CSMD1: variants seen among roughly 807,000 people sequenced by gnomAD.
CSMD1 encodes the protein CUB and Sushi multiple domains 1, also known as CUB and sushi domain-containing protein 1.
A neutral mutation model predicts 417.5 loss-of-function variants in CSMD1; 213 were observed. The ratio of observed to expected loss-of-function variants is 0.51; its 90% CI spans 0.46 to 0.57. The LOEUF (loss-of-function observed/expected upper bound fraction) is 0.57. Among genes scored for constraint, CSMD1 ranks in the 20% least tolerant of loss-of-function variants. The pLI is 0.00. For missense variants in CSMD1, 6,923 were observed against 4,529.7 expected (o/e 1.53, Z -15.17); for synonymous variants, 2,862 against 1,736.8 (o/e 1.65, Z -16.11).
At chr8:4,775,449 T>C (rs1385002553) in intron 1 of CSMD1, among the ~76,000 whole-genome samples, 1 of 152,236 alleles carries the variant, frequency 6.6e-6, no homozygotes, top group East Asian at 1.9e-4. Context: ...TCTGTGCTTA[T>C]TGACTTCAAT....
intron 2 of CSMD1, among the ~76,000 whole-genome samples, chr8:4,624,025 G>T (rs1397655370): frequency 6.6e-6 from 1 of 151,988 alleles, no homozygotes; most frequent in East Asian, 1.9e-4. Context: ...GTAACTAAAG[G>T]ACTCATTCAT....
chr8:4,839,067 A>G (rs548103624), intron 1 of CSMD1, among the ~76,000 whole-genome samples: 56 of 152,230 alleles, frequency 3.7e-4, no homozygotes, highest in African/African-American at 1.3e-3. Context: ...TCTGCTTTGT[A>G]TTTCTGACCT....
intron 3 of CSMD1, among the ~76,000 whole-genome samples, chr8:4,158,947 C>G (rs1275689125): frequency 6.6e-6 from 1 of 152,166 alleles, no homozygotes. Context: ...GACAGTTTCA[C>G]TCTTGTTGCC....
chr8:4,158,943 T>A (rs1229541202), intron 3 of CSMD1, among the ~76,000 whole-genome samples: 1 of 152,194 alleles, frequency 6.6e-6, no homozygotes, highest in Non-Finnish European at 1.5e-5. Context: ...TTGAGACAGT[T>A]TCACTCTTGT....
rs529848582 is a variant in CSMD1 at position 3,849,566 on chromosome 8, G to A, written c.819-95524C>T. On this transcript the variant is annotated intron_variant, in intron 5 of 69. Coordinates refer to ENST00000635120, the MANE Select transcript of CSMD1 (RefSeq NM_033225.6). ...AGAAATTGGTATCTGCAATTCAAATGAGTTCAGCTAATGCTCCACATGGGA... is the reference window on the plus strand; with the variant it reads ...AGAAATTGGTATCTGCAATTCAAATAAGTTCAGCTAATGCTCCACATGGGA... Among the ~76,000 whole-genome samples, 9 of 152,280 alleles carry A rather than the reference G, an allele frequency of 5.9e-5. No homozygotes were observed. In the East Asian group the frequency reaches 9.6e-4, roughly 16 times the overall value.
intron 2 of CSMD1, among the ~76,000 whole-genome samples, chr8:4,633,723 A>T (rs960485001): frequency 4.0e-5 from 6 of 151,634 alleles, no homozygotes; most frequent in African/African-American, 9.7e-5. Flanking sequence ...TGTCCAGCTA[A>T]TTTTTTTTGT....
intron 11 of CSMD1, among the ~76,000 whole-genome samples, chr8:3,474,706 C>T (rs1351931040): frequency 1.3e-5 from 2 of 151,918 alleles, no homozygotes; most frequent in Non-Finnish European, 2.9e-5. Flanking sequence ...GTCACAGTTT[C>T]CAAAGACCTA....
chr8:4,934,185 G>A (rs549721261), intron 1 of CSMD1, among the ~76,000 whole-genome samples: 1 of 152,172 alleles, frequency 6.6e-6, no homozygotes, highest in South Asian at 2.1e-4. Flanking sequence ...AACAGAAGAG[G>A]CTGCCTGAGC....
intron 5 of CSMD1, among the ~76,000 whole-genome samples, chr8:3,804,689 G>T (rs927231675): frequency 3.9e-5 from 6 of 152,098 alleles, no homozygotes; most frequent in Non-Finnish European, 7.4e-5. Flanking sequence ...AATGTGAGTA[G>T]GAAGAAAAAT....
intron 10 of CSMD1, among the ~76,000 whole-genome samples, chr8:3,569,803 T>C (rs1799871148): frequency 6.6e-6 from 1 of 152,210 alleles, no homozygotes; most frequent in African/African-American, 2.4e-5. Flanking sequence ...TTAATTGAGA[T>C]GCCTTCAGGT....
chr8:3,979,372 C>A (rs1197389109), intron 5 of CSMD1, among the ~76,000 whole-genome samples: 2 of 152,164 alleles, frequency 1.3e-5, no homozygotes, highest in Non-Finnish European at 1.5e-5. Context: ...TGACTAAGGA[C>A]AGCTGGAGGA....
chr8:3,573,803 A>C (rs1217127532), intron 10 of CSMD1, among the ~76,000 whole-genome samples: 1 of 151,226 alleles, frequency 6.6e-6, no homozygotes, highest in Non-Finnish European at 1.5e-5. Context: ...GGGGTTCAGT[A>C]AATTTAATAT....
At chr8:4,195,186 T>A (rs997609303) in intron 3 of CSMD1, among the ~76,000 whole-genome samples, 2 of 152,192 alleles carry the variant, frequency 1.3e-5, no homozygotes, top group African/African-American at 4.8e-5. Flanking sequence ...GACTTGTCAA[T>A]GGAAAATAAA....
intron 3 of CSMD1, among the ~76,000 whole-genome samples, chr8:4,387,958 T>C (rs1803568524): frequency 6.6e-6 from 1 of 152,118 alleles, no homozygotes; most frequent in Non-Finnish European, 1.5e-5. Flanking sequence ...GTCTGGTAAT[T>C]TAAAATTTTA....
intron 3 of CSMD1, among the ~76,000 whole-genome samples, chr8:4,115,888 G>A (rs563538578): frequency 1.3e-5 from 2 of 152,084 alleles, no homozygotes; most frequent in Non-Finnish European, 2.9e-5. Context: ...AAAACAGGAA[G>A]ACAGAAGAAA....
intron 3 of CSMD1, among the ~76,000 whole-genome samples, chr8:4,049,488 G>A (rs1333099580): frequency 1.3e-5 from 2 of 149,792 alleles, no homozygotes; most frequent in Non-Finnish European, 3.0e-5. Context: ...ATGCATATTT[G>A]AATCCCCTTT....
intron 3 of CSMD1, among the ~76,000 whole-genome samples, chr8:4,233,949 T>G (rs991616192): frequency 7.1e-5 from 10 of 140,042 alleles, no homozygotes; most frequent in Non-Finnish European, 1.4e-4. Flanking sequence ...GACTAATGCA[T>G]GGAGAGCTTA....
At chr8:4,572,679 G>A (rs1312325108) in intron 2 of CSMD1, among the ~76,000 whole-genome samples, 1 of 152,150 alleles carries the variant, frequency 6.6e-6, no homozygotes, top group Non-Finnish European at 1.5e-5. Flanking sequence ...GCTAGAGTGA[G>A]GAAGATCTCC....
At chr8:4,276,615 T>G (rs1373170678) in intron 3 of CSMD1, among the ~76,000 whole-genome samples, 1 of 152,158 alleles carries the variant, frequency 6.6e-6, no homozygotes, top group Non-Finnish European at 1.5e-5. Context: ...ATAAAAAAAG[T>G]GATACACATA....
Sources: allele counts gnomAD v4.1 joint callset (sites outside exome capture counted in the v4.1 genomes callset), GRCh38; gene constraint gnomAD v4.1.1; transcripts MANE v1.5; gene names NCBI Gene and HGNC (gene_info 2026-07-23, HGNC 2026-07-21).